CPNE3: variants seen among roughly 807,000 people sequenced by gnomAD.
The protein encoded by CPNE3 is copine 3, also known as copine-3.
CPNE3 carries 68 observed loss-of-function variants against 63.9 expected under a neutral mutation model. That is an observed-to-expected ratio of 1.06 (90% CI 0.87 to 1.30). The LOEUF (loss-of-function observed/expected upper bound fraction) is 1.30. Among genes scored for constraint, CPNE3 ranks in the 50% most tolerant of loss-of-function variants. CPNE3 has a pLI of 0.00. For synonymous variants in CPNE3, 219 were observed against 197.5 expected (o/e 1.11, Z -0.91); for missense variants, 665 against 578.1 (o/e 1.15, Z -1.54).
At chr8:86,546,520 T>G in intron 9 of CPNE3, 75 bp from the exon 10 acceptor site, 1 of 1,476,636 alleles carries the variant, frequency 6.8e-7, no homozygotes, top group Non-Finnish European at 9.3e-7. Context: ...GGAAAAAAAG[T>G]CATTCATTTA....
chr8:86,547,491 G>T, intron 10 of CPNE3: 1 of 447,252 alleles, frequency 2.2e-6, no homozygotes. Flanking sequence ...TTCGCCATTA[G>T]TATTCTAATC....
chr8:86,541,586 C>T (rs541418462), intron 8 of CPNE3, among the ~76,000 whole-genome samples: 6 of 151,890 alleles, frequency 4.0e-5, no homozygotes, highest in Admixed American at 3.3e-4. Flanking sequence ...TACCTGTGTT[C>T]CCAGCTACTT....
rs1345669250 is a variant in CPNE3, at chr8:86,558,539, A to C, written c.*129A>C. 1.3e-6 allele frequency: 1 copy of C among 743,476 alleles called. No individual in the cohort carries two copies. The highest frequency in any genetic ancestry group is 1.7e-5 in the African/African-American group (1 of 58,612). 46.1% of individuals were successfully genotyped at this position (743,476 alleles called of 1,614,324 possible). A position where few individuals can be genotyped will look rare whatever the true frequency, so the allele number is the denominator to read the frequency against. On this transcript the variant is annotated 3_prime_UTR_variant, in exon 17 of 17. Transcript: ENST00000517490. The stretch of plus-strand genomic sequence containing the variant: ...GTAAATCTCTTTCTCTATGGATTAT[A>C]TCTGTTTAAAGCATTCTTTCTAGGT...
In CPNE3 at chr8:86,545,636, G is replaced by A. The variant is rs117739793; in HGVS notation, c.732+798G>A. Among the ~76,000 whole-genome samples the A allele has an allele frequency of 6.2e-4, 94 of 152,194 alleles. 2 individuals carry two copies. In the East Asian group the frequency reaches 0.016, roughly 26 times the overall value. On this transcript the variant is annotated intron_variant, in intron 9 of 16. Transcript: ENST00000517490. ...CAAAGAATTTGTTTAACATAATTTT[G>A]TTTCACATCATTGTATTATACCACG...
At chr8:86,552,569 TTCA>T (rs1821206020) in intron 14 of CPNE3, among the ~76,000 whole-genome samples, 1 of 152,120 alleles carries the variant, frequency 6.6e-6, no homozygotes, top group Non-Finnish European at 1.5e-5. Context: ...CCTTGGGCTG[TTCA>T]CCAAGTGGTT....
chr8:86,515,027 C>G (rs888555398), intron 1 of CPNE3: 2 of 152,288 alleles, frequency 1.3e-5, no homozygotes, highest in Admixed American at 1.3e-4. Flanking sequence ...GCGGGGGGCG[C>G]GCGCTTCAGA....
chr8:86,537,509 G>A (rs2131461654), intron 6 of CPNE3, 54 bp from the exon 7 acceptor site: 1 of 1,085,596 alleles, frequency 9.2e-7, no homozygotes, highest in Non-Finnish European at 1.4e-6. Flanking sequence ...GTCACACATG[G>A]TTTCATGGGT....
At chr8:86,528,804 C>A in intron 3 of CPNE3, 127 bp downstream of exon 3, 1 of 1,364,638 alleles carries the variant, frequency 7.3e-7, no homozygotes, top group Admixed American at 2.7e-5. Flanking sequence ...AAAGTTTGTC[C>A]TTGATTGTAG....
chr8:86,551,406 C>T, intron 14 of CPNE3, 172 bp downstream of exon 14: 2 of 594,948 alleles, frequency 3.4e-6, no homozygotes, highest in Non-Finnish European at 5.8e-6. Flanking sequence ...AAGAATTGCA[C>T]CAGGTTGGTG....
At chr8:86,514,927 G>A (rs1204494594) in intron 1 of CPNE3, among the ~76,000 whole-genome samples, 1 of 152,326 alleles carries the variant, frequency 6.6e-6, no homozygotes, top group East Asian at 1.9e-4. Flanking sequence ...CCCAGAGAAG[G>A]GTGACAGGTC....
Position 86,532,590 on chromosome 8 carries a change from CTA to C in CPNE3, c.459+12_459+13del. The C allele has an allele frequency of 6.2e-7, 1 of 1,605,120 alleles. No homozygotes were observed. The highest frequency in any genetic ancestry group is 1.7e-5 in the Admixed American group (1 of 57,984). On this transcript the variant is annotated intron_variant, in intron 6 of 16. Coordinates refer to ENST00000517490, the MANE Select transcript of CPNE3 (RefSeq NM_003909.5). Reference sequence around the variant, plus strand: ...AAAACTGGATAATAAGGTGGGTAGACTATGCAGATTTCAAAAAGGTTGTCATG... The same window carrying C: ...AAAACTGGATAATAAGGTGGGTAGACTGCAGATTTCAAAAAGGTTGTCATG...
Position 86,532,577 on chromosome 8 carries a change from T to C in CPNE3, c.456T>C (p.Asn152=). ...AAATGGAAGCCAGAAAACTGGATAATAAGGTGGGTAGACTATGCAGATTTC... is the reference window on the plus strand; with the variant it reads ...AAATGGAAGCCAGAAAACTGGATAACAAGGTGGGTAGACTATGCAGATTTC... The part of the protein sequence containing the change: ...LFEMEARKLD[N]KDLFGKSDPY... Residue 152 remains asparagine, a synonymous_variant, in exon 6 of 17, where the codon AAT becomes AAC. Transcript: ENST00000517490. The C allele has an allele frequency of 6.2e-7, 1 of 1,612,368 alleles. No individual in the cohort carries two copies. Among genetic ancestry groups the C allele is most frequent in the Non-Finnish European group, 8.5e-7 (1 of 1,179,174 alleles).
rs869225401 is a variant in CPNE3 at position 86,527,946 on chromosome 8, A to ATTTTT, written c.-10-569_-10-565dup. Among the ~76,000 whole-genome samples, 159 of 85,954 alleles carry ATTTTT rather than the reference A, an allele frequency of 1.8e-3. 17 individuals carry two copies. Among genetic ancestry groups the ATTTTT allele is most frequent in the African/African-American group, 2.7e-3 (47 of 17,648 alleles). 56.4% of individuals were successfully genotyped at this position (85,954 alleles called of 152,430 possible). Reference sequence around the variant, plus strand: ...AAATTTATAGTTAAGGTAAAAAGAAATTTTTTTTTTTTTTTTTTTTTTTTT... The same window carrying ATTTTT: ...AAATTTATAGTTAAGGTAAAAAGAAATTTTTTTTTTTTTTTTTTTTTTTTTTTTTT... On this transcript the variant is annotated intron_variant, in intron 2 of 16. Coordinates refer to ENST00000517490, the MANE Select transcript of CPNE3 (RefSeq NM_003909.5).
intron 3 of CPNE3, 59 bp from the exon 4 acceptor site, chr8:86,528,886 G>T (rs1426668431): frequency 4.1e-6 from 6 of 1,472,066 alleles, no homozygotes; most frequent in Non-Finnish European, 4.6e-6. Context: ...ATAAAGATGT[G>T]AAAATCCAAG....
At chr8:86,522,158 A>G (rs188618511) in intron 2 of CPNE3, among the ~76,000 whole-genome samples, 311 of 152,300 alleles carry the variant, frequency 2.0e-3, no homozygotes, top group African/African-American at 7.2e-3. Context: ...ATCGTCAGTA[A>G]AAGTAGAAAT....
chr8:86,544,903 AT>A (rs888289688), intron 9 of CPNE3, 65 bp downstream of exon 9: 46 of 947,418 alleles, frequency 4.9e-5, no homozygotes, highest in African/African-American at 3.1e-4. Context: ...ACTGTATTTC[AT>A]TTTTTTCCCA....
In CPNE3 at chr8:86,537,569, T is replaced by C. The variant is rs1173561468; in HGVS notation, c.466T>C (p.Phe156Leu). 1 of 1,594,918 alleles carries C rather than the reference T, an allele frequency of 6.3e-7. No homozygotes were observed. Among genetic ancestry groups the C allele is most frequent in the Non-Finnish European group, 8.6e-7 (1 of 1,162,750 alleles). Residue 156 changes from phenylalanine to leucine, a missense_variant, in exon 7 of 17, where the codon TTT (phenylalanine) becomes CTT (leucine). By Grantham distance (22) the Phe-to-Leu change is conservative (BLOSUM62 0). Transcript: ENST00000517490. The stretch of plus-strand genomic sequence containing the variant: ...TTGTTTGTTTTAAATGTAGGATCTA[T>C]TTGGAAAGTCAGACCCATACCTGGA... ...EARKLDNKDL[F>L]GKSDPYLEFH... is the part of the protein sequence containing the mutation.
intron 2 of CPNE3, among the ~76,000 whole-genome samples, chr8:86,526,760 C>A (rs947487370): frequency 6.6e-6 from 1 of 152,162 alleles, no homozygotes; most frequent in Non-Finnish European, 1.5e-5. Flanking sequence ...GATCCACCTG[C>A]CTTGGCCTCC....
rs756031809 is a variant in CPNE3, at chr8:86,537,645, A to C, written c.542A>C (p.Glu181Ala). 1 of 1,577,786 alleles carries C rather than the reference A, an allele frequency of 6.3e-7. No homozygotes were observed. The highest frequency in any genetic ancestry group is 1.1e-5 in the South Asian group (1 of 90,318). ...AACTGGCTAATGGTTCATCGGACAGAGGTGAATATTTGAATTTGAAAAGCA... is the reference window on the plus strand; with the variant it reads ...AACTGGCTAATGGTTCATCGGACAGCGGTGAATATTTGAATTTGAAAAGCA... ...DGNWLMVHRT[E>A]VVKNNLNPVW... is the part of the protein sequence containing the mutation. Residue 181 changes from glutamate to alanine, a missense_variant and splice_region_variant, in exon 7 of 17, where the codon GAG (glutamate) becomes GCG (alanine). By Grantham distance (107) the Glu-to-Ala change is moderately radical (BLOSUM62 -1). Transcript: ENST00000517490.
Sources: gnomAD v4.1 joint callset for allele counts (sites outside exome capture counted in the v4.1 genomes callset) on GRCh38, gnomAD v4.1.1 for gene constraint, MANE v1.5 for transcripts, NCBI Gene and HGNC (gene_info 2026-07-23, HGNC 2026-07-21) for gene names.